PSPC1: variants seen among roughly 807,000 people sequenced by gnomAD.
PSPC1 encodes paraspeckle component 1.
A neutral mutation model predicts 51.6 loss-of-function variants in PSPC1; 14 were observed. The observed-to-expected ratio is 0.27, with a 90% CI of 0.18 to 0.42. The LOEUF (loss-of-function observed/expected upper bound fraction) is 0.42. PSPC1 is among the 10% of genes least tolerant of loss of function. The pLI, the probability that PSPC1 is intolerant of heterozygous loss-of-function variation, is 1.00. For synonymous variants in PSPC1, 193 were observed against 231.9 expected (o/e 0.83, Z 1.53); for missense variants, 406 against 701.1 (o/e 0.58, Z 4.75).
chr13:19,738,378 T>A (rs1322808592), intron 5 of PSPC1, among the ~76,000 whole-genome samples: 1 of 152,118 alleles, frequency 6.6e-6, no homozygotes, highest in Non-Finnish European at 1.5e-5. Flanking sequence ...GATGCTCAAC[T>A]CCCTGACATA....
chr13:19,776,681 G>T (rs1435820793), intron 1 of PSPC1, among the ~76,000 whole-genome samples: 2 of 151,710 alleles, frequency 1.3e-5, no homozygotes, highest in South Asian at 4.2e-4. Context: ...CTAATTTTTT[G>T]TATTTTTAGT....
rs1049136775 is a variant in PSPC1 at position 19,782,235 on chromosome 13, C to T, written c.372+151G>A. The T allele has an allele frequency of 7.2e-6, 9 of 1,242,830 alleles. No homozygotes were observed. Among genetic ancestry groups the T allele is most frequent in the Non-Finnish European group, 7.4e-6 (7 of 949,016 alleles). 77.0% of individuals were successfully genotyped at this position (1,242,830 alleles called of 1,614,324 possible). A position where few individuals can be genotyped will look rare whatever the true frequency, so the allele number is the denominator to read the frequency against. The stretch of plus-strand genomic sequence containing the variant: ...AAAGGCGCCGAGCTGGGGAAGCGGC[C>T]AACCCCGCACAGAGGAATCGATGAG... On this transcript the variant is annotated intron_variant, in intron 1 of 8. Coordinates refer to ENST00000338910, the MANE Select transcript of PSPC1 (RefSeq NM_001354909.2). The surrounding 1 kb of genome is among the most constrained non-coding windows in gnomAD (Gnocchi z 4.5).
intron 6 of PSPC1, among the ~76,000 whole-genome samples, chr13:19,691,353 A>T (rs888206489): frequency 6.6e-6 from 1 of 151,678 alleles, no homozygotes; most frequent in Non-Finnish European, 1.5e-5. Context: ...ACACAGTGAG[A>T]CCCTGTTTCT....
chr13:19,746,331 G>T (rs1337205165), intron 4 of PSPC1, among the ~76,000 whole-genome samples: 1 of 147,582 alleles, frequency 6.8e-6, no homozygotes, highest in Non-Finnish European at 1.5e-5. Context: ...GAAACACAGA[G>T]GCAGAGGTTG....
intron 1 of PSPC1, among the ~76,000 whole-genome samples, chr13:19,776,941 C>A (rs1261389865): frequency 1.5e-4 from 22 of 150,326 alleles, no homozygotes; most frequent in African/African-American, 5.4e-4. Context: ...GCCTGGCCAA[C>A]ATGGTGAAAC....
chr13:19,702,817 C>G lies in PSPC1; in HGVS notation c.*358G>C, dbSNP rs1880088188. On this transcript the variant is annotated 3_prime_UTR_variant, in exon 9 of 9. Coordinates refer to ENST00000338910, the MANE Select transcript of PSPC1 (RefSeq NM_001354909.2). ...ATTAGTTAAAGCAACCAAAGCATTACTGTTACAGCAAAGTTTAGTAAGACC... is the reference window on the plus strand; with the variant it reads ...ATTAGTTAAAGCAACCAAAGCATTAGTGTTACAGCAAAGTTTAGTAAGACC... 1 of 173,574 alleles carries G rather than the reference C, an allele frequency of 5.8e-6. No homozygotes were observed. Among genetic ancestry groups the G allele is most frequent in the African/African-American group, 2.4e-5 (1 of 41,790 alleles). The allele number at this position is 173,574 out of a possible 1,614,324, so 10.8% of individuals were successfully genotyped here.
rs956521398 is a variant in PSPC1 at position 19,713,429 on chromosome 13, T to G, written c.1159-3830A>C. On this transcript the variant is annotated intron_variant, in intron 6 of 8. Transcript: ENST00000338910. ...AACTTAGTCAAGGTCATATGGATAG[T>G]AAGTGGCTGAGCTAACCTATACGAT... Among the ~76,000 whole-genome samples the G allele has an allele frequency of 4.7e-5, 7 of 149,950 alleles. No individual in the cohort carries two copies. In the Admixed American group the frequency reaches 4.7e-4, roughly 10 times the overall value.
intron 5 of PSPC1, among the ~76,000 whole-genome samples, chr13:19,730,970 A>C (rs1436634331): frequency 1.4e-5 from 2 of 142,764 alleles, no homozygotes; most frequent in African/African-American, 5.1e-5. Context: ...AAAAACAAAA[A>C]AAAAAAAAAC....
intron 6 of PSPC1, among the ~76,000 whole-genome samples, chr13:19,725,113 G>A (rs1452631814): frequency 6.6e-6 from 1 of 152,204 alleles, no homozygotes; most frequent in Non-Finnish European, 1.5e-5. Context: ...GGAGGCAGAG[G>A]TTGCAGTGAG....
rs114648770 is a variant in PSPC1, at chr13:19,774,967, G to A, written c.373-2424C>T. ...AAACAGGAAGAATCCTTGAGGCCAGGAGTTTAAGACCAGCCTAGGCAACAT... is the reference window on the plus strand; with the variant it reads ...AAACAGGAAGAATCCTTGAGGCCAGAAGTTTAAGACCAGCCTAGGCAACAT... On this transcript the variant is annotated intron_variant, in intron 1 of 8. Transcript: ENST00000338910. Among the ~76,000 whole-genome samples the A allele has an allele frequency of 4.9e-3, 742 of 152,000 alleles. 7 individuals are homozygous for A. Among genetic ancestry groups the A allele is most frequent in the African/African-American group, 0.017 (689 of 41,516 alleles).
At chr13:19,751,097 T>G (rs1243702861) in intron 4 of PSPC1, among the ~76,000 whole-genome samples, 174 bp downstream of exon 4, 4 of 150,466 alleles carry the variant, frequency 2.7e-5, no homozygotes, top group South Asian at 2.1e-4. Context: ...TAAGTTGTGT[T>G]CTTTTTTTTA....
rs1184204944 is a variant in PSPC1 at position 19,753,283 on chromosome 13, CA to C, written c.771-1817del. 2.2e-3 allele frequency among the ~76,000 whole-genome samples: 144 copies of C among 64,546 alleles called. 1 individual carries two copies. Among genetic ancestry groups the C allele is most frequent in the East Asian group, 0.013 (24 of 1,830 alleles). 42.3% of individuals were successfully genotyped at this position (64,546 alleles called of 152,430 possible). A position where few individuals can be genotyped will look rare whatever the true frequency, so the allele number is the denominator to read the frequency against. On this transcript the variant is annotated intron_variant, in intron 3 of 8. Coordinates refer to ENST00000338910, the MANE Select transcript of PSPC1 (RefSeq NM_001354909.2). ...GGGCAACAAGAGCAAGACTCCATCT[CA>C]AAAAAAAAAAAAAAAAAAAGGCTCA...
At chr13:19,676,973 G>A (rs1298185265) in intron 7 of PSPC1, among the ~76,000 whole-genome samples, 8 of 152,158 alleles carry the variant, frequency 5.3e-5, no homozygotes, top group African/African-American at 1.9e-4. Flanking sequence ...AGTGGCTCAC[G>A]CCTCTAATCC....
intron 1 of PSPC1, among the ~76,000 whole-genome samples, chr13:19,776,824 TA>T (rs1395422432): frequency 6.7e-6 from 1 of 148,422 alleles, no homozygotes; most frequent in Admixed American, 6.7e-5. Flanking sequence ...TGTAAATTTT[TA>T]AAACCCTAAA....
intron 7 of PSPC1, among the ~76,000 whole-genome samples, chr13:19,706,972 A>T (rs1218898426): frequency 6.6e-6 from 1 of 152,194 alleles, no homozygotes; most frequent in Admixed American, 6.5e-5. Flanking sequence ...AACAGACTTT[A>T]ACCAAGAATA....
intron 6 of PSPC1, among the ~76,000 whole-genome samples, chr13:19,687,213 T>C (rs1006045760): frequency 6.6e-6 from 1 of 150,866 alleles, no homozygotes; most frequent in Admixed American, 6.6e-5. Context: ...AAAATTAAAA[T>C]TAATATTAAA....
At chr13:19,726,527 CACAAA>C (rs1272413494) in intron 6 of PSPC1, among the ~76,000 whole-genome samples, 4 of 152,266 alleles carry the variant, frequency 2.6e-5, no homozygotes, top group South Asian at 4.1e-4. Context: ...CTACCTGGAT[CACAAA>C]ACAAATCAAT....
At chr13:19,685,363 A>T (rs138228105) in intron 6 of PSPC1, among the ~76,000 whole-genome samples, 176 of 152,280 alleles carry the variant, frequency 1.2e-3, no homozygotes, top group South Asian at 2.9e-3. Flanking sequence ...CACTCCCAAT[A>T]ATTTTGCAGT....
intron 6 of PSPC1, among the ~76,000 whole-genome samples, chr13:19,711,867 TAA>T: frequency 6.6e-6 from 1 of 151,450 alleles, no homozygotes; most frequent in South Asian, 2.1e-4. Flanking sequence ...AGCTAGACTG[TAA>T]TATAAAATTG....
Sources: gnomAD v4.1 joint callset for allele counts (sites outside exome capture counted in the v4.1 genomes callset) on GRCh38, gnomAD v4.1.1 for gene constraint, Gnocchi (gnomAD v3.1) non-coding constraint, MANE v1.5 for transcripts, NCBI Gene and HGNC (gene_info 2026-07-23, HGNC 2026-07-21) for gene names.